Variants in GRID2 observed in about 807,000 individuals in gnomAD.
The protein encoded by GRID2 is glutamate ionotropic receptor delta type subunit 2, also known as glutamate receptor ionotropic, delta-2.
In GRID2, 33 loss-of-function variants were observed where a neutral mutation model predicts 114.8. The observed-to-expected ratio is 0.29, with a 90% CI of 0.22 to 0.38. The LOEUF is 0.38. Ranked by LOEUF, GRID2 falls within the 10% of genes least tolerant of loss-of-function variation. The probability of loss-of-function intolerance (pLI) is 1.00; values close to 1 mark genes in which losing one functional copy is unlikely to be tolerated. For missense variants in GRID2, 1,184 were observed against 1,257.7 expected, an observed-to-expected ratio of 0.94 and a Z score of 0.89; for synonymous variants, 505 against 449.9, an observed-to-expected ratio of 1.12 and a Z score of -1.55.
chr4:93,202,295 G>A (rs1742192378), intron 4 of GRID2, among the ~76,000 whole-genome samples: 1 of 152,028 alleles, frequency 6.6e-6, no homozygotes, highest in South Asian at 2.1e-4. Flanking sequence ...AACAGCACTA[G>A]TGTTTATGAG....
At chr4:93,688,659 A>C (rs1412064706) in intron 14 of GRID2, among the ~76,000 whole-genome samples, 7 of 152,056 alleles carry the variant, frequency 4.6e-5, no homozygotes, top group Admixed American at 2.0e-4. Flanking sequence ...GGCAAGTACA[A>C]AATATTTGCA....
At chr4:92,576,028 C>T (rs977649339) in intron 1 of GRID2, among the ~76,000 whole-genome samples, 1 of 152,236 alleles carries the variant, frequency 6.6e-6, no homozygotes. Context: ...TTGGCTTGGA[C>T]TCTCCAAAGC....
At chr4:93,465,179 T>C (rs1435632801) in intron 11 of GRID2, among the ~76,000 whole-genome samples, 3 of 152,118 alleles carry the variant, frequency 2.0e-5, no homozygotes, top group Non-Finnish European at 2.9e-5. Flanking sequence ...TTCACAGATA[T>C]CCTGCTATTT....
Position 92,620,553 on chromosome 4 carries a change from T to C in GRID2, c.244+30267T>C, listed in dbSNP as rs146496622. Among the ~76,000 whole-genome samples the C allele has an allele frequency of 8.8e-4, 133 of 151,786 alleles. 3 individuals are homozygous for C. In the East Asian group the frequency reaches 0.017, roughly 19 times the overall value. On this transcript the variant is annotated intron_variant, in intron 2 of 15. Transcript: ENST00000282020. ...ATACAATTAGCACAAATAAAGAACA[T>C]AGAAGGAAAGACAGATATAGGGAAA...
intron 1 of GRID2, among the ~76,000 whole-genome samples, chr4:93,806,325 C>T (rs536997458): frequency 1.3e-5 from 2 of 152,238 alleles, no homozygotes; most frequent in Admixed American, 6.5e-5. Flanking sequence ...GACTGTATAT[C>T]GACACCAACT....
chr4:92,403,694 A>AG (rs1730898192), intron 1 of GRID2, among the ~76,000 whole-genome samples: 1 of 7,226 alleles, frequency 1.4e-4, no homozygotes, highest in Non-Finnish European at 3.1e-4. Context: ...TCCATCTCAA[A>AG]AATAAATAAA....
intron 1 of GRID2, among the ~76,000 whole-genome samples, chr4:92,500,157 C>T (rs1254459021): frequency 1.3e-5 from 2 of 151,958 alleles, no homozygotes; most frequent in Non-Finnish European, 2.9e-5. Context: ...GATTTGCTTA[C>T]CTGTGTTTCT....
intron 2 of GRID2, among the ~76,000 whole-genome samples, chr4:92,738,653 T>C (rs554769432): frequency 2.0e-5 from 3 of 152,198 alleles, no homozygotes; most frequent in Non-Finnish European, 2.9e-5. Context: ...ATTTTCCCTT[T>C]TTATTTTTTA....
intron 2 of GRID2, among the ~76,000 whole-genome samples, chr4:92,730,493 T>C (rs1052853461): frequency 5.9e-5 from 9 of 151,962 alleles, no homozygotes; most frequent in African/African-American, 2.2e-4. Context: ...AAATTCAGCT[T>C]CATTTTGTAG....
At chr4:93,351,335 C>T (rs1760786304) in intron 8 of GRID2, among the ~76,000 whole-genome samples, 1 of 152,010 alleles carries the variant, frequency 6.6e-6, no homozygotes, top group African/African-American at 2.4e-5. Flanking sequence ...AGCACACAGA[C>T]AGTTGTTAGA....
intron 11 of GRID2, among the ~76,000 whole-genome samples, chr4:93,466,600 G>A (rs1018222523): frequency 6.6e-6 from 1 of 152,104 alleles, no homozygotes; most frequent in African/African-American, 2.4e-5. Flanking sequence ...ATGGAAAGGG[G>A]CAGTAACTCC....
intron 2 of GRID2, among the ~76,000 whole-genome samples, chr4:92,620,263 A>G (rs1730205350): frequency 6.6e-6 from 1 of 151,786 alleles, no homozygotes; most frequent in African/African-American, 2.4e-5. Flanking sequence ...GCTTCAGGGA[A>G]AAGAAAATAG....
intron 2 of GRID2, among the ~76,000 whole-genome samples, chr4:92,724,875 A>T (rs999755137): frequency 6.6e-6 from 1 of 152,202 alleles, no homozygotes; most frequent in African/African-American, 2.4e-5. Flanking sequence ...AATAAGTTAT[A>T]GAATTTGAAG....
chr4:93,048,003 T>G (rs927654027), intron 2 of GRID2, among the ~76,000 whole-genome samples: 2 of 152,054 alleles, frequency 1.3e-5, no homozygotes, highest in Non-Finnish European at 2.9e-5. Flanking sequence ...GGAGTATATT[T>G]TTGGAAACTG....
At chr4:92,966,018 A>C (rs1175838131) in intron 2 of GRID2, among the ~76,000 whole-genome samples, 1 of 151,932 alleles carries the variant, frequency 6.6e-6, no homozygotes, top group East Asian at 1.9e-4. Context: ...CAGGACAATA[A>C]ACTTGCCAGA....
In GRID2 at chr4:92,395,333, C is replaced by T. The variant is rs191861596; in HGVS notation, c.88+90589C>T. Among the ~76,000 whole-genome samples the T allele has an allele frequency of 3.4e-3, 521 of 151,142 alleles. 3 individuals carry two copies. The highest frequency in any genetic ancestry group is 0.012 in the African/African-American group (476 of 41,284). ...GAAGACAATGAATAAGTAATTCACTCGATAAAAAATATTGTTAAGAAATGT... is the reference window on the plus strand; with the variant it reads ...GAAGACAATGAATAAGTAATTCACTTGATAAAAAATATTGTTAAGAAATGT... On this transcript the variant is annotated intron_variant, in intron 1 of 15. Coordinates refer to ENST00000282020, the MANE Select transcript of GRID2 (RefSeq NM_001510.4).
chr4:93,634,027 A>G (rs1721189528), intron 14 of GRID2, among the ~76,000 whole-genome samples: 1 of 152,184 alleles, frequency 6.6e-6, no homozygotes, highest in Admixed American at 6.6e-5. Context: ...GAAGTTAAAC[A>G]GTTAACTGGC....
chr4:92,631,074 T>C (rs994132578), intron 2 of GRID2, among the ~76,000 whole-genome samples: 1 of 151,940 alleles, frequency 6.6e-6, no homozygotes, highest in Non-Finnish European at 1.5e-5. Flanking sequence ...TTTTCCTGTT[T>C]CTCTTTCAGA....
intron 2 of GRID2, among the ~76,000 whole-genome samples, chr4:92,920,354 A>G (rs1041162422): frequency 8.5e-5 from 13 of 152,048 alleles, no homozygotes; most frequent in African/African-American, 2.7e-4. Flanking sequence ...TACATTTAAA[A>G]TTCATATTGT....
Sources: gnomAD v4.1 joint callset for allele counts (sites outside exome capture counted in the v4.1 genomes callset) on GRCh38, gnomAD v4.1.1 for gene constraint, MANE v1.5 for transcripts, NCBI Gene and HGNC (gene_info 2026-07-23, HGNC 2026-07-21) for gene names.